POU3F3: variants seen among roughly 807,000 people sequenced by gnomAD.
The protein encoded by POU3F3 is POU domain, class 3, transcription factor 3.
A neutral mutation model predicts 8.6 loss-of-function variants in POU3F3; 1 was observed. That is an observed-to-expected ratio of 0.12 (90% CI 0.04 to 0.55). POU3F3 has a LOEUF of 0.55. Ranked by LOEUF, POU3F3 falls within the 20% of genes least tolerant of loss-of-function variation. The probability of loss-of-function intolerance (pLI) is 0.91; values close to 1 mark genes in which losing one functional copy is unlikely to be tolerated. For missense variants in POU3F3, 577 were observed against 690.7 expected (o/e 0.84, Z 1.84); for synonymous variants, 418 against 327.4 (o/e 1.28, Z -2.99).
the POU3F3 span, among the ~76,000 whole-genome samples, chr2:104,880,454 A>G: frequency 0.25 from 37,545 of 151,970 alleles, 4,733 homozygotes; most frequent in Middle Eastern, 0.36. Context: ...GCAGCCTAGG[A>G]GTCCCCACCA....
chr2:104,896,971 G>A, the POU3F3 span, among the ~76,000 whole-genome samples: 1 of 152,174 alleles, frequency 6.6e-6, no homozygotes, highest in Non-Finnish European at 1.5e-5. Context: ...CTTTTTCAGG[G>A]GCAGTCCTAC....
At chr2:104,905,286 T>G in the POU3F3 span, among the ~76,000 whole-genome samples, 1 of 152,328 alleles carries the variant, frequency 6.6e-6, no homozygotes, top group Middle Eastern at 3.4e-3. Flanking sequence ...ATGCAATTTT[T>G]TAAATAGACC....
At chr2:104,905,680 C>G in the POU3F3 span, among the ~76,000 whole-genome samples, 2 of 152,142 alleles carry the variant, frequency 1.3e-5, no homozygotes. Context: ...TGGCTTCCAG[C>G]GATCCTCAGC....
rs1349452205 is a variant in POU3F3 at position 104,857,683 on chromosome 2, G to T, written c.*670G>T. 6.5e-6 allele frequency: 1 copy of T among 153,464 alleles called. No individual in the cohort carries two copies. The highest frequency in any genetic ancestry group is 2.4e-5 in the African/African-American group (1 of 41,392). The allele number at this position is 153,464 out of a possible 1,614,324, so 9.5% of individuals were successfully genotyped here. A position where few individuals can be genotyped will look rare whatever the true frequency, so the allele number is the denominator to read the frequency against. ...GGACGACACCGTGCTCTGGGACCCT[G>T]TTTTTCTTGGCCATATTAAAGTCAT... On this transcript the variant is annotated 3_prime_UTR_variant, in exon 1 of 1. Coordinates refer to ENST00000361360, the MANE Select transcript of POU3F3 (RefSeq NM_006236.3).
At chr2:104,863,219 C>G (rs922030244), downstream of POU3F3, among the ~76,000 whole-genome samples, 2 of 148,222 alleles carry the variant, frequency 1.3e-5, no homozygotes, top group African/African-American at 5.0e-5. Flanking sequence ...TGGAAACGCT[C>G]AGGCCTGTGG....
At chr2:104,921,699 T>C in the POU3F3 span, among the ~76,000 whole-genome samples, 1 of 152,274 alleles carries the variant, frequency 6.6e-6, no homozygotes, top group Non-Finnish European at 1.5e-5. Context: ...CTCTAGGACA[T>C]TCAGAAGTGA....
At chr2:104,903,171 T>C in the POU3F3 span, among the ~76,000 whole-genome samples, 1 of 152,232 alleles carries the variant, frequency 6.6e-6, no homozygotes, top group East Asian at 1.9e-4. Flanking sequence ...TCAACATTTC[T>C]ATTACACAAT....
chr2:104,918,120 T>C, the POU3F3 span, among the ~76,000 whole-genome samples: 2 of 152,188 alleles, frequency 1.3e-5, no homozygotes, highest in Non-Finnish European at 2.9e-5. Flanking sequence ...TGTGCATATC[T>C]CCCTTTGGAA....
chr2:104,887,449 G>A, the POU3F3 span, among the ~76,000 whole-genome samples: 3 of 152,264 alleles, frequency 2.0e-5, no homozygotes, highest in East Asian at 5.8e-4. Context: ...CTTCAGTTGC[G>A]TAGATAAGGC....
At chr2:104,882,337 C>A in the POU3F3 span, among the ~76,000 whole-genome samples, 1 of 147,958 alleles carries the variant, frequency 6.8e-6, no homozygotes, top group Non-Finnish European at 1.5e-5. Flanking sequence ...CTGCAACCTT[C>A]GCCTCCCAGG....
the POU3F3 span, among the ~76,000 whole-genome samples, chr2:104,889,919 T>C: frequency 2.2e-4 from 33 of 152,196 alleles, no homozygotes; most frequent in Non-Finnish European, 4.1e-4. Flanking sequence ...GTTTTTTTTT[T>C]CACTCACTGG....
At chr2:104,895,919 C>T in the POU3F3 span, among the ~76,000 whole-genome samples, 1 of 152,176 alleles carries the variant, frequency 6.6e-6, no homozygotes, top group African/African-American at 2.4e-5. Flanking sequence ...AGTATGAGTT[C>T]TCTCCAGGAA....
chr2:104,878,683 T>A, the POU3F3 span, among the ~76,000 whole-genome samples: 1 of 152,192 alleles, frequency 6.6e-6, no homozygotes, highest in Non-Finnish European at 1.5e-5. Context: ...TTGGGATTAT[T>A]TAATCTGCCA....
the POU3F3 span, among the ~76,000 whole-genome samples, chr2:104,899,743 C>G: frequency 1.3e-5 from 2 of 152,222 alleles, no homozygotes; most frequent in African/African-American, 4.8e-5. Flanking sequence ...TCAATTTCCA[C>G]ACAGGAGAGA....
the POU3F3 span, among the ~76,000 whole-genome samples, chr2:104,891,303 A>G: frequency 6.6e-6 from 1 of 152,032 alleles, no homozygotes; most frequent in Non-Finnish European, 1.5e-5. Context: ...CATTTATATC[A>G]ATGTTTTATT....
At chr2:104,871,444 T>G in the POU3F3 span, among the ~76,000 whole-genome samples, 1 of 152,240 alleles carries the variant, frequency 6.6e-6, no homozygotes, top group Admixed American at 6.5e-5. Flanking sequence ...CATTTGGGTT[T>G]GGAGTCCTCA....
the POU3F3 span, among the ~76,000 whole-genome samples, chr2:104,912,933 A>C: frequency 6.6e-6 from 1 of 152,190 alleles, no homozygotes; most frequent in African/African-American, 2.4e-5. Context: ...TTCAAGCATT[A>C]CTCATCTCCA....
the POU3F3 span, among the ~76,000 whole-genome samples, chr2:104,880,574 T>A: frequency 6.6e-6 from 1 of 152,210 alleles, no homozygotes; most frequent in African/African-American, 2.4e-5. Context: ...CCTGCAAGTG[T>A]CCACATCAGT....
chr2:104,873,380 G>A, the POU3F3 span, among the ~76,000 whole-genome samples: 2 of 152,066 alleles, frequency 1.3e-5, no homozygotes, highest in African/African-American at 4.8e-5. Flanking sequence ...AAGAGGGAGA[G>A]CGAAGGGAAA....
Sources: gnomAD v4.1 joint callset for allele counts (sites outside exome capture counted in the v4.1 genomes callset) on GRCh38, gnomAD v4.1.1 for gene constraint, MANE v1.5 for transcripts, NCBI Gene and HGNC (gene_info 2026-07-23, HGNC 2026-07-21) for gene names.